Variants in FBXW11 observed in about 807,000 individuals in gnomAD.
The protein encoded by FBXW11 is F-box/WD repeat-containing protein 11.
A neutral mutation model predicts 77.6 loss-of-function variants in FBXW11; 19 were observed. That is an observed-to-expected ratio of 0.24 (90% confidence interval 0.17 to 0.36). The LOEUF (loss-of-function observed/expected upper bound fraction) is 0.36. FBXW11 is among the 10% of genes least tolerant of loss of function. The pLI is 1.00. For synonymous variants in FBXW11, 235 were observed against 249.4 expected (o/e 0.94, Z 0.54); for missense variants, 334 against 704.2 (o/e 0.47, Z 5.95).
chr5:171,867,790 A>G (rs1757505109), intron 13 of FBXW11: 1 of 152,238 alleles, frequency 6.6e-6, no homozygotes, highest in Non-Finnish European at 1.5e-5. Flanking sequence ...ATAAATACAA[A>G]TTTTATTAAT....
At chr5:171,893,809 T>C (rs1207717980) in intron 6 of FBXW11, among the ~76,000 whole-genome samples, 1 of 152,148 alleles carries the variant, frequency 6.6e-6, no homozygotes, top group Non-Finnish European at 1.5e-5. Context: ...TGTCTTTACA[T>C]ATATGTCAAG....
At chr5:171,936,857 T>G (rs1762508175) in intron 2 of FBXW11, among the ~76,000 whole-genome samples, 2 of 151,952 alleles carry the variant, frequency 1.3e-5, no homozygotes, top group South Asian at 4.1e-4. Context: ...ATAAGTTCAA[T>G]AAAAAAGAAA....
At chr5:171,911,844 A>G (rs957552763) in intron 3 of FBXW11, among the ~76,000 whole-genome samples, 2 of 152,192 alleles carry the variant, frequency 1.3e-5, no homozygotes, top group African/African-American at 4.8e-5. Context: ...TCAAACCACA[A>G]CTACTATGAA....
At chr5:171,888,923 G>A (rs1190294985) in intron 7 of FBXW11, among the ~76,000 whole-genome samples, 3 of 152,178 alleles carry the variant, frequency 2.0e-5, no homozygotes, top group Non-Finnish European at 4.4e-5. Context: ...GAATAGAGAT[G>A]AAGAGATGAA....
At chr5:171,871,676 T>C (rs1327391904) in intron 10 of FBXW11, among the ~76,000 whole-genome samples, 6 of 152,268 alleles carry the variant, frequency 3.9e-5, no homozygotes, top group Admixed American at 6.5e-5. Flanking sequence ...CTAGTTAGCA[T>C]GTACAAAATA....
chr5:171,929,511 A>C (rs1483940825), intron 2 of FBXW11, among the ~76,000 whole-genome samples: 1 of 152,234 alleles, frequency 6.6e-6, no homozygotes, highest in Non-Finnish European at 1.5e-5. Flanking sequence ...AAGAATGTAG[A>C]TGGTATGACT....
chr5:171,887,881 ACTC>A (rs1187317511), intron 7 of FBXW11, among the ~76,000 whole-genome samples: 2 of 149,812 alleles, frequency 1.3e-5, no homozygotes, highest in African/African-American at 4.9e-5. Context: ...CTGGTCTTGA[ACTC>A]CTGGCCTCAA....
rs533733186 is a variant in FBXW11 at position 171,897,795 on chromosome 5, G to C, written c.714+1209C>G. 2.0e-5 allele frequency among the ~76,000 whole-genome samples: 3 copies of C among 151,026 alleles called. No individual in the cohort carries two copies. In the South Asian group the frequency reaches 6.3e-4, roughly 32 times the overall value. On this transcript the variant is annotated intron_variant, in intron 6 of 13. Transcript: ENST00000517395. ...AAACAGAGGGTAATGTAGTTTATAA[G>C]ATGTGTACATAAGAAATGCCTTAGT...
At chr5:171,950,035 G>T (rs1763221861) in intron 2 of FBXW11, among the ~76,000 whole-genome samples, 1 of 152,052 alleles carries the variant, frequency 6.6e-6, no homozygotes. Flanking sequence ...AAAACTGGTA[G>T]CAGTCTTAAT....
At chr5:171,949,882 T>A (rs556748211) in intron 2 of FBXW11, among the ~76,000 whole-genome samples, 65 of 152,146 alleles carry the variant, frequency 4.3e-4, no homozygotes, top group Non-Finnish European at 7.9e-4. Flanking sequence ...GGGCTGCTTT[T>A]AAGAGTATAA....
chr5:171,971,424 T>A (rs1462481381), intron 1 of FBXW11, among the ~76,000 whole-genome samples: 6 of 152,198 alleles, frequency 3.9e-5, no homozygotes, highest in Non-Finnish European at 8.8e-5. Context: ...AGACCCTTTT[T>A]CCATGCGTTG....
intron 2 of FBXW11, chr5:171,916,412 G>A: frequency 1.0e-6 from 1 of 983,406 alleles, no homozygotes; most frequent in Non-Finnish European, 1.2e-6. Flanking sequence ...GGTCCACAAT[G>A]AGGGAGAGGG....
At chr5:171,941,102 C>T (rs1237271145) in intron 2 of FBXW11, among the ~76,000 whole-genome samples, 1 of 152,058 alleles carries the variant, frequency 6.6e-6, no homozygotes, top group Non-Finnish European at 1.5e-5. Context: ...CCACCCAATG[C>T]ATAATTACAA....
In FBXW11 at chr5:171,893,446, A is replaced by AAAAAAAAAC. The variant is rs1382279919; in HGVS notation, c.715-1843_715-1842insGTTTTTTTT. ...CAAAAAAAAAAAAAAAAAAAAAAAA[A>AAAAAAAAAC]ACTAACCCAACCATCTCTGCTACCT... On this transcript the variant is annotated intron_variant, in intron 6 of 13. Transcript: ENST00000517395. Among the ~76,000 whole-genome samples the AAAAAAAAAC allele has an allele frequency of 2.0e-5, 3 of 147,990 alleles. 1 individual carries two copies. Among genetic ancestry groups the AAAAAAAAAC allele is most frequent in the African/African-American group, 7.5e-5 (3 of 39,972 alleles).
At chr5:171,894,542 G>A (rs978534217) in intron 6 of FBXW11, among the ~76,000 whole-genome samples, 8 of 152,140 alleles carry the variant, frequency 5.3e-5, no homozygotes, top group African/African-American at 7.2e-5. Flanking sequence ...GCTTTGCTGC[G>A]CACCAATCCT....
At chr5:172,001,708 C>G (rs762848249) in intron 1 of FBXW11, among the ~76,000 whole-genome samples, 3 of 152,198 alleles carry the variant, frequency 2.0e-5, no homozygotes, top group Non-Finnish European at 4.4e-5. Flanking sequence ...ACAGTCTCTG[C>G]TACCATAATA....
intron 7 of FBXW11, among the ~76,000 whole-genome samples, chr5:171,878,739 T>C (rs551749415): frequency 6.6e-6 from 1 of 151,826 alleles, no homozygotes; most frequent in East Asian, 1.9e-4. Context: ...CAGTGAGCCA[T>C]AATCACACCA....
chr5:171,994,160 C>T (rs1226948140), intron 1 of FBXW11, among the ~76,000 whole-genome samples: 1 of 152,154 alleles, frequency 6.6e-6, no homozygotes, highest in Non-Finnish European at 1.5e-5. Flanking sequence ...AGGATTTCTG[C>T]CCCTTTATCA....
At chr5:171,961,827 A>G in intron 1 of FBXW11, among the ~76,000 whole-genome samples, 1 of 152,078 alleles carries the variant, frequency 6.6e-6, no homozygotes, top group Non-Finnish European at 1.5e-5. Flanking sequence ...TTGTATTTTT[A>G]GTAGAGACGG....
Sources: allele counts gnomAD v4.1 joint callset (sites outside exome capture counted in the v4.1 genomes callset), GRCh38; gene constraint gnomAD v4.1.1; transcripts MANE v1.5; gene names NCBI Gene and HGNC (gene_info 2026-07-23, HGNC 2026-07-21).